PIP4K2A: variants seen among roughly 807,000 people sequenced by gnomAD.
PIP4K2A encodes the protein phosphatidylinositol-5-phosphate 4-kinase type 2 alpha, also known as phosphatidylinositol 5-phosphate 4-kinase type-2 alpha.
PIP4K2A carries 14 observed loss-of-function variants against 42.9 expected under a neutral mutation model. The ratio of observed to expected loss-of-function variants is 0.33; its 90% confidence interval spans 0.22 to 0.51. The LOEUF (loss-of-function observed/expected upper bound fraction) is 0.51, where lower values mean the gene tolerates loss of function less well. Ranked by LOEUF, PIP4K2A falls within the 20% of genes least tolerant of loss-of-function variation. PIP4K2A has a pLI of 0.97. For missense variants in PIP4K2A, 434 were observed against 519.8 expected (o/e 0.83, Z 1.61); for synonymous variants, 192 against 192.2 (o/e 1.00, Z 0.01).
At chr10:22,662,181 G>A (rs1424870460) in intron 1 of PIP4K2A, among the ~76,000 whole-genome samples, 3 of 152,108 alleles carry the variant, frequency 2.0e-5, no homozygotes, top group Non-Finnish European at 4.4e-5. Flanking sequence ...GATTCTGTAC[G>A]CTCCTATTCC....
intron 7 of PIP4K2A, among the ~76,000 whole-genome samples, chr10:22,546,264 A>T (rs1836256605): frequency 6.6e-6 from 1 of 152,216 alleles, no homozygotes; most frequent in Admixed American, 6.5e-5. Flanking sequence ...AAATAATGGA[A>T]GCTGTTATTT....
intron 1 of PIP4K2A, among the ~76,000 whole-genome samples, chr10:22,627,633 A>G (rs1838474537): frequency 9.2e-6 from 1 of 108,226 alleles, no homozygotes; most frequent in Non-Finnish European, 1.9e-5. Flanking sequence ...AAAAAAAAAG[A>G]TAAGGAAAGC....
chr10:22,627,588 TAATA>T (rs1564448261), intron 1 of PIP4K2A, among the ~76,000 whole-genome samples: 38 of 38,942 alleles, frequency 9.8e-4, no homozygotes, highest in Non-Finnish European at 1.6e-3. Context: ...AGCTAATATG[TAATA>T]AAAAAAAAAA....
chr10:22,646,808 T>C (rs1246789561), intron 1 of PIP4K2A, among the ~76,000 whole-genome samples: 3 of 152,176 alleles, frequency 2.0e-5, no homozygotes, highest in South Asian at 2.1e-4. Flanking sequence ...TTTATCTAGT[T>C]AGATCCTTCT....
Position 22,573,419 on chromosome 10 carries a change from C to G in PIP4K2A, c.531G>C (p.Gln177His). The G allele has an allele frequency of 6.2e-7, 1 of 1,613,906 alleles. No homozygotes were observed. Among genetic ancestry groups the G allele is most frequent in the Non-Finnish European group, 8.5e-7 (1 of 1,179,880 alleles). The change falls in exon 5 of 10, where the codon CAG (glutamine) becomes CAC (histidine). Residue 177 changes from glutamine to histidine, a missense_variant. By Grantham distance (24) the Gln-to-His change is conservative (BLOSUM62 0). Transcript: ENST00000376573. ...VECHGITLLP[Q>H]FLGMYRLNVD... ...CATTAAGCCGGTACATGCCCAAGAA[C>G]TGGGGAAGAAGGGTGATCCCATGAC...
chr10:22,585,657 G>A (rs538315247), intron 4 of PIP4K2A, among the ~76,000 whole-genome samples: 1 of 150,242 alleles, frequency 6.7e-6, no homozygotes, highest in African/African-American at 2.5e-5. Context: ...CTGGAGTGCA[G>A]TGATGCCATC....
At chr10:22,539,892 A>C in intron 9 of PIP4K2A, 79 bp downstream of exon 9, 1 of 629,484 alleles carries the variant, frequency 1.6e-6, no homozygotes, top group South Asian at 1.6e-5. Context: ...GCCAGGAGAG[A>C]GAGAGAGAGA....
intron 4 of PIP4K2A, among the ~76,000 whole-genome samples, chr10:22,575,754 A>T (rs1257501377): frequency 6.6e-6 from 1 of 152,084 alleles, no homozygotes; most frequent in Non-Finnish European, 1.5e-5. Context: ...CCTGGCCAAG[A>T]TGGTGATACC....
intron 1 of PIP4K2A, among the ~76,000 whole-genome samples, chr10:22,639,976 A>C (rs192367591): frequency 9.6e-4 from 145 of 151,254 alleles, no homozygotes; most frequent in African/African-American, 3.1e-3. Context: ...TACCAAGAAG[A>C]ATCAAATATC....
intron 5 of PIP4K2A, chr10:22,569,039 C>T (rs1398167333): frequency 3.9e-6 from 6 of 1,535,228 alleles, no homozygotes; most frequent in Non-Finnish European, 4.4e-6. Flanking sequence ...GTGAAAGTGG[C>T]TTTTAGATTG....
intron 8 of PIP4K2A, 133 bp downstream of exon 8, chr10:22,541,671 C>A: frequency 4.8e-6 from 5 of 1,034,316 alleles, no homozygotes; most frequent in Non-Finnish European, 6.9e-6. Flanking sequence ...TCCCCAAATC[C>A]ATTTCTTTGG....
At chr10:22,690,125 C>A (rs1395769176) in intron 1 of PIP4K2A, among the ~76,000 whole-genome samples, 1 of 152,112 alleles carries the variant, frequency 6.6e-6, no homozygotes, top group Non-Finnish European at 1.5e-5. Flanking sequence ...GCAAACAGGG[C>A]CAGGCATGGT....
intron 4 of PIP4K2A, among the ~76,000 whole-genome samples, chr10:22,575,757 G>A (rs1564427334): frequency 6.6e-6 from 1 of 152,018 alleles, no homozygotes; most frequent in Non-Finnish European, 1.5e-5. Flanking sequence ...GGCCAAGATG[G>A]TGATACCCCA....
chr10:22,614,941 C>T (rs556417738), intron 1 of PIP4K2A, among the ~76,000 whole-genome samples: 1 of 152,086 alleles, frequency 6.6e-6, no homozygotes, highest in African/African-American at 2.4e-5. Flanking sequence ...TTTTATATAG[C>T]GCTCTGGGCT....
rs941787559 is a variant in PIP4K2A at position 22,603,344 on chromosome 10, G to C, written c.339+4583C>G. ...CTCCTGCATAACTTTTTGGTTTCTGGGAGGCAACCCTCTCTGGCAGCTACT... is the reference window on the plus strand; with the variant it reads ...CTCCTGCATAACTTTTTGGTTTCTGCGAGGCAACCCTCTCTGGCAGCTACT... On this transcript the variant is annotated intron_variant, in intron 3 of 9. Transcript: ENST00000376573. Among the ~76,000 whole-genome samples, 13 of 152,058 alleles carry C rather than the reference G, an allele frequency of 8.5e-5. 1 individual carries two copies. The highest frequency in any genetic ancestry group is 4.4e-5 in the Non-Finnish European group (3 of 68,008).
At chr10:22,598,567 A>G (rs567965592) in intron 3 of PIP4K2A, among the ~76,000 whole-genome samples, 2 of 152,310 alleles carry the variant, frequency 1.3e-5, no homozygotes, top group Admixed American at 1.3e-4. Flanking sequence ...CTCTCAAACC[A>G]GACATGGGCA....
chr10:22,611,920 G>A (rs527242678), intron 1 of PIP4K2A, among the ~76,000 whole-genome samples: 7 of 152,302 alleles, frequency 4.6e-5, no homozygotes, highest in African/African-American at 9.6e-5. Flanking sequence ...ATTTAAATGC[G>A]CGTGATGTGT....
At chr10:22,707,730 C>G (rs755782210) in intron 1 of PIP4K2A, among the ~76,000 whole-genome samples, 13 of 152,206 alleles carry the variant, frequency 8.5e-5, no homozygotes, top group Non-Finnish European at 1.3e-4. Context: ...GTGTTCCCCC[C>G]CAAGAATTCT....
chr10:22,712,953 T>TGTGTGTGTGTG, intron 1 of PIP4K2A, among the ~76,000 whole-genome samples: 1 of 151,928 alleles, frequency 6.6e-6, no homozygotes, highest in African/African-American at 2.4e-5. Flanking sequence ...TGTGTGTGTG[T>TGTGTGTGTGTG]TTTCCGAAAA....
Sources: allele counts gnomAD v4.1 joint callset (sites outside exome capture counted in the v4.1 genomes callset), GRCh38; gene constraint gnomAD v4.1.1; transcripts MANE v1.5; gene names NCBI Gene and HGNC (gene_info 2026-07-23, HGNC 2026-07-21).